The following RGS6 variants were observed in gnomAD, a reference collection of about 807,000 sequenced individuals.
RGS6 encodes the protein regulator of G-protein signaling 6.
Under a neutral mutation model 78.5 loss-of-function variants are expected in RGS6, and 30 were observed. That is an observed-to-expected ratio of 0.38 (90% confidence interval 0.29 to 0.52). The LOEUF (loss-of-function observed/expected upper bound fraction) is 0.52. Ranked by LOEUF, RGS6 falls within the 20% of genes least tolerant of loss-of-function variation. RGS6 has a pLI of 0.85. For missense variants in RGS6, 495 were observed against 609.7 expected (o/e 0.81, Z 1.98); for synonymous variants, 206 against 206.0 (o/e 1.00, Z 0.00).
intron 3 of RGS6, among the ~76,000 whole-genome samples, chr14:72,372,205 C>T (rs1200809780): frequency 6.6e-6 from 1 of 152,180 alleles, no homozygotes; most frequent in African/African-American, 2.4e-5. Flanking sequence ...ACTTTAAAAG[C>T]TAAATTTAGA....
chr14:72,256,650 T>C (rs1467782565), intron 2 of RGS6, among the ~76,000 whole-genome samples: 1 of 152,172 alleles, frequency 6.6e-6, no homozygotes, highest in Non-Finnish European at 1.5e-5. Flanking sequence ...GGGAAAGGGC[T>C]ATTATCATCC....
chr14:72,505,404 T>C (rs2096786371), intron 13 of RGS6, among the ~76,000 whole-genome samples: 1 of 152,224 alleles, frequency 6.6e-6, no homozygotes, highest in Non-Finnish European at 1.5e-5. Flanking sequence ...AAGGGAGCTC[T>C]CTCTGGTCTC....
intron 2 of RGS6, among the ~76,000 whole-genome samples, chr14:72,231,992 C>A (rs187630462): frequency 6.6e-6 from 1 of 151,978 alleles, no homozygotes; most frequent in Admixed American, 6.6e-5. Flanking sequence ...CTCTAAGGGC[C>A]GTTTTGGAGG....
intron 2 of RGS6, among the ~76,000 whole-genome samples, chr14:72,053,721 T>A (rs928699861): frequency 5.3e-5 from 8 of 152,250 alleles, no homozygotes; most frequent in Non-Finnish European, 1.5e-5. Flanking sequence ...TAGAACACTG[T>A]CTTCAAATTA....
intron 3 of RGS6, among the ~76,000 whole-genome samples, chr14:72,400,936 C>T (rs2092322414): frequency 6.6e-6 from 1 of 152,140 alleles, no homozygotes; most frequent in South Asian, 2.1e-4. Flanking sequence ...CAGGCCAGGC[C>T]AAGCCTTTCT....
chr14:72,261,678 A>G (rs1326786351), intron 2 of RGS6, among the ~76,000 whole-genome samples: 1 of 152,156 alleles, frequency 6.6e-6, no homozygotes, highest in African/African-American at 2.4e-5. Context: ...TTCCAATATG[A>G]ATCTCTCCAC....
the RGS6 span, among the ~76,000 whole-genome samples, chr14:71,899,792 T>C: frequency 1.3e-5 from 2 of 152,238 alleles, no homozygotes; most frequent in Non-Finnish European, 1.5e-5. Flanking sequence ...TTAACTCTCA[T>C]TGGTCACCTT....
chr14:72,182,332 C>T (rs536313746), intron 2 of RGS6, among the ~76,000 whole-genome samples: 7 of 147,476 alleles, frequency 4.7e-5, no homozygotes, highest in Admixed American at 1.4e-4. Context: ...CCCAGCTACT[C>T]GGGAGGCTGA....
intron 17 of RGS6, among the ~76,000 whole-genome samples, chr14:72,546,176 C>T (rs2097399173): frequency 6.6e-6 from 1 of 152,236 alleles, no homozygotes; most frequent in South Asian, 2.1e-4. Flanking sequence ...ATCCTGTTTA[C>T]AATCAGTGGT....
intron 2 of RGS6, among the ~76,000 whole-genome samples, chr14:72,103,221 A>T (rs1270527678): frequency 6.6e-6 from 1 of 152,110 alleles, no homozygotes; most frequent in Non-Finnish European, 1.5e-5. Flanking sequence ...TCCCGTTAGG[A>T]ATCTAAGCTT....
At chr14:71,959,116 A>G (rs372256256) in intron 1 of RGS6, among the ~76,000 whole-genome samples, 1 of 152,180 alleles carries the variant, frequency 6.6e-6, no homozygotes, top group Non-Finnish European at 1.5e-5. Context: ...GTCATTGAAC[A>G]TTTGAACTTC....
intron 2 of RGS6, among the ~76,000 whole-genome samples, chr14:72,076,211 C>T (rs1194283992): frequency 6.6e-6 from 1 of 152,200 alleles, no homozygotes; most frequent in Admixed American, 6.5e-5. Context: ...GTTCTTCACT[C>T]CGCCATGATT....
At chr14:71,871,748 T>C in the RGS6 span, among the ~76,000 whole-genome samples, 1 of 152,152 alleles carries the variant, frequency 6.6e-6, no homozygotes, top group African/African-American at 2.4e-5. Flanking sequence ...TTTTTGCTGT[T>C]CCCATGTCTA....
intron 2 of RGS6, among the ~76,000 whole-genome samples, chr14:72,295,122 T>C (rs1441377069): frequency 1.3e-5 from 2 of 151,394 alleles, no homozygotes; most frequent in Non-Finnish European, 2.9e-5. Context: ...AAACCCCGTC[T>C]CTACTAAAAA....
intron 2 of RGS6, among the ~76,000 whole-genome samples, chr14:72,250,902 T>G (rs2055583720): frequency 1.3e-5 from 2 of 152,084 alleles, no homozygotes; most frequent in Admixed American, 1.3e-4. Context: ...TCTGCTGAAA[T>G]GAACTGATGA....
intron 2 of RGS6, among the ~76,000 whole-genome samples, chr14:72,085,446 C>T (rs2153483478): frequency 6.6e-6 from 1 of 152,090 alleles, no homozygotes; most frequent in South Asian, 2.1e-4. Flanking sequence ...GTACCTGGGC[C>T]CAGATATGAG....
the RGS6 span, among the ~76,000 whole-genome samples, chr14:71,874,365 G>T: frequency 6.6e-6 from 1 of 152,060 alleles, no homozygotes; most frequent in African/African-American, 2.4e-5. Flanking sequence ...CACATCCCTT[G>T]TAAGTTGGAT....
intron 7 of RGS6, 100 bp downstream of exon 7, chr14:72,465,922 TC>T: frequency 1.1e-6 from 1 of 934,602 alleles, no homozygotes. Flanking sequence ...CCCCCTTTTG[TC>T]CCTTTCAGAC....
intron 2 of RGS6, among the ~76,000 whole-genome samples, chr14:72,081,875 TA>T (rs1364349715): frequency 6.6e-6 from 1 of 152,064 alleles, no homozygotes; most frequent in Non-Finnish European, 1.5e-5. Context: ...TTTTTTTTCC[TA>T]AAAAATGTAG....
Sources: allele counts gnomAD v4.1 joint callset (sites outside exome capture counted in the v4.1 genomes callset), GRCh38; gene constraint gnomAD v4.1.1; transcripts MANE v1.5; gene names NCBI Gene and HGNC (gene_info 2026-07-23, HGNC 2026-07-21).